MUC22: variants seen among roughly 807,000 people sequenced by gnomAD.
The protein encoded by MUC22 is mucin 22, also known as mucin-22.
MUC22 carries 24 observed loss-of-function variants against 40.3 expected under a neutral mutation model. That is an observed-to-expected ratio of 0.60 (90% CI 0.43 to 0.84). The LOEUF (loss-of-function observed/expected upper bound fraction) is 0.84. Ranked by LOEUF, MUC22 falls within the 40% of genes least tolerant of loss-of-function variation. MUC22 has a pLI of 0.00. For missense variants in MUC22, 1,926 were observed against 2,130.7 expected (o/e 0.90, Z 1.89); for synonymous variants, 765 against 844.5 (o/e 0.91, Z 1.63).
exon 2 of MUC22, chr6:31,026,768 C>T (rs1266722756): frequency 6.6e-7 from 1 of 1,511,432 alleles, no homozygotes; most frequent in African/African-American, 1.4e-5. Context: ...GGCTCAGAGA[C>T]CACCACAGTC....
At chr6:31,034,731 C>T (rs1404356788) in exon 4 of MUC22, 3 of 1,535,604 alleles carry the variant, frequency 2.0e-6, no homozygotes, top group Non-Finnish European at 2.6e-6. Context: ...GCCACAGCCA[C>T]AGCCTTGGTC....
Position 31,034,661 on chromosome 6 carries a change from T to A in MUC22, c.5056-11T>A, listed in dbSNP as rs770210798. On this transcript the variant is annotated splice_polypyrimidine_tract_variant and intron_variant, in intron 3 of 3. Coordinates refer to ENST00000561890, the Ensembl canonical transcript of MUC22. ...TTTTCATTTATCAATGTATTTATTT[T>A]TTTCTTTTAGAGAAACCTTTTCTTC... 17 of 1,522,060 alleles carry A rather than the reference T, an allele frequency of 1.1e-5. No homozygotes were observed. In the East Asian group the frequency reaches 2.0e-4, roughly 18 times the overall value. The allele number at this position is 1,522,060 out of a possible 1,614,324, so 94.3% of individuals were successfully genotyped here.
chr6:31,023,415 C>T (rs1052264427), intron 1 of MUC22, among the ~76,000 whole-genome samples: 9 of 151,960 alleles, frequency 5.9e-5, no homozygotes, highest in East Asian at 1.9e-4. Context: ...CATCATGACT[C>T]GTGCCTGTGA....
Position 31,032,301 on chromosome 6 carries a change from T to C in MUC22, c.4775T>C (p.Val1592Ala). The change falls in exon 3 of 4, where the codon GTC becomes GCC. Residue 1592 changes from valine (V) to alanine (A), a missense_variant. Val to Ala is a moderately conservative substitution (Grantham distance 64, BLOSUM62 0). Coordinates refer to ENST00000561890, the Ensembl canonical transcript of MUC22. The surrounding 1 kb of genome is among the most constrained non-coding windows in gnomAD (Gnocchi z 4.1). The stretch of plus-strand genomic sequence containing the variant: ...GCCAGCCATACTGTGCCAGGAATAG[T>C]CTTAAACACCTCTGGCCTGGGTACA... 1 of 1,535,564 alleles carries C rather than the reference T, an allele frequency of 6.5e-7. No individual in the cohort carries two copies. Among genetic ancestry groups the C allele is most frequent in the Non-Finnish European group, 8.7e-7 (1 of 1,146,862 alleles).
chr6:31,008,176 T>C (rs961990861), upstream of MUC22, among the ~76,000 whole-genome samples: 3 of 152,234 alleles, frequency 2.0e-5, no homozygotes, highest in Admixed American at 6.5e-5. Context: ...GCTGGACTGA[T>C]AGTTTAATTC....
exon 4 of MUC22, chr6:31,035,286 T>C (rs1382610125): frequency 3.4e-6 from 1 of 291,274 alleles, no homozygotes; most frequent in Non-Finnish European, 6.3e-6. Context: ...TTCTCTCCCA[T>C]TTCCCGCCAC....
At chr6:31,030,063 C>T (rs1315518235) in exon 2 of MUC22, 12 of 1,534,520 alleles carry the variant, frequency 7.8e-6, no homozygotes, top group African/African-American at 2.7e-5. Flanking sequence ...AGGCCACTGA[C>T]GTTTCTATCC....
upstream of MUC22, among the ~76,000 whole-genome samples, chr6:31,009,719 A>C (rs1168215438): frequency 1.3e-5 from 2 of 152,260 alleles, no homozygotes; most frequent in Non-Finnish European, 2.9e-5. Flanking sequence ...ATAGCAAGCC[A>C]AACTACATTT....
intron 1 of MUC22, among the ~76,000 whole-genome samples, chr6:31,020,767 C>T (rs962987310): frequency 3.3e-5 from 5 of 152,044 alleles, no homozygotes; most frequent in Non-Finnish European, 7.4e-5. Context: ...CGCTTGCGGG[C>T]CAGCTGCAGT....
chr6:31,032,708 C>A lies in MUC22; in HGVS notation c.5055+127C>A. On this transcript the variant is annotated intron_variant, in intron 3 of 3. Coordinates refer to ENST00000561890, the Ensembl canonical transcript of MUC22. The surrounding 1 kb of genome is among the most constrained non-coding windows in gnomAD (Gnocchi z 4.1). ...GTTGGTGCGCTCAGAAGGAAAGAAT[C>A]ACCTAGCCTGATATAAGGACCAGAG... 2.9e-6 allele frequency: 3 copies of A among 1,024,476 alleles called. No homozygotes were observed. Among genetic ancestry groups the A allele is most frequent in the Non-Finnish European group, 4.2e-6 (3 of 722,434 alleles). 63.5% of individuals were successfully genotyped at this position (1,024,476 alleles called of 1,614,324 possible).
In MUC22 at chr6:31,019,177, C is replaced by T. The variant is rs185276013; in HGVS notation, c.71-6325C>T. Among the ~76,000 whole-genome samples the T allele has an allele frequency of 3.1e-3, 455 of 148,142 alleles. 3 individuals are homozygous for T. The highest frequency in any genetic ancestry group is 5.0e-3 in the Non-Finnish European group (333 of 66,844). On this transcript the variant is annotated intron_variant, in intron 1 of 3. Transcript: ENST00000561890. ...TCCCTATTCATTCAGATAAATAGAA[C>T]TAATTTCCAACTCTGCGTAAGCCCC... is the stretch of plus-strand genomic sequence containing the variant.
At chr6:31,026,155 A>G in exon 2 of MUC22, 2 of 1,523,888 alleles carry the variant, frequency 1.3e-6, no homozygotes, top group Non-Finnish European at 1.8e-6. Context: ...CACAACCTCA[A>G]CTGCAGACTC....
At chr6:31,021,539 T>G (rs999973458) in intron 1 of MUC22, among the ~76,000 whole-genome samples, 1 of 146,176 alleles carries the variant, frequency 6.8e-6, no homozygotes, top group Non-Finnish European at 1.5e-5. Flanking sequence ...ACTCTGTATC[T>G]AGCTCAAGGT....
chr6:31,027,866 G>A (rs1469050200), exon 2 of MUC22: 1 of 1,534,310 alleles, frequency 6.5e-7, no homozygotes, highest in Admixed American at 2.0e-5. Context: ...TCCACTGAAG[G>A]CTCTGAGATG....
chr6:31,021,944 C>T (rs986534935), intron 1 of MUC22, among the ~76,000 whole-genome samples: 3 of 152,122 alleles, frequency 2.0e-5, no homozygotes, highest in African/African-American at 7.2e-5. Context: ...TGATCTGTAA[C>T]ACTCACCGTA....
intron 1 of MUC22, among the ~76,000 whole-genome samples, chr6:31,015,920 A>G (rs951888397): frequency 6.6e-6 from 1 of 152,034 alleles, no homozygotes; most frequent in African/African-American, 2.4e-5. Context: ...TTTCTGAAAA[A>G]ATCTTATAAT....
At chr6:31,021,588 A>G (rs9262523) in intron 1 of MUC22, among the ~76,000 whole-genome samples, 39,772 of 122,892 alleles carry the variant, frequency 0.32, 6,734 homozygotes, top group East Asian at 0.41. Flanking sequence ...TTTAGCTCAA[A>G]GTTTGTGAGT....
intron 1 of MUC22, among the ~76,000 whole-genome samples, chr6:31,016,068 AG>A (rs934722031): frequency 2.2e-5 from 3 of 138,662 alleles, no homozygotes; most frequent in African/African-American, 8.1e-5. Context: ...GTGAATTTTG[AG>A]GTTTTTTTTT....
At position 31,026,072 on chromosome 6, in the gene MUC22, A is replaced by G. The variant is rs367954552; in HGVS notation, c.641A>G (p.Glu214Gly). 7 of 1,530,786 alleles carry G rather than the reference A, an allele frequency of 4.6e-6. No individual in the cohort carries two copies. The East Asian group carries it at 9.8e-5, about 21-fold the overall frequency. 94.8% of individuals were successfully genotyped at this position (1,530,786 alleles called of 1,614,324 possible). A position where few individuals can be genotyped will look rare whatever the true frequency, so the allele number is the denominator to read the frequency against. Residue 214 changes from glutamate (E) to glycine (G), a missense_variant, in exon 2 of 4, where the codon GAA becomes GGA. By Grantham distance (98) the Glu-to-Gly change is moderately conservative. Transcript: ENST00000561890. ...ACTAAAGTCTCTACCACAGGCTCTGAAACCACCACAGCATCTACTGCAGGT... is the reference window on the plus strand; with the variant it reads ...ACTAAAGTCTCTACCACAGGCTCTGGAACCACCACAGCATCTACTGCAGGT...
Sources: allele counts gnomAD v4.1 joint callset (sites outside exome capture counted in the v4.1 genomes callset), GRCh38; gene constraint gnomAD v4.1.1; non-coding constraint Gnocchi (gnomAD v3.1); transcripts MANE v1.5; gene names NCBI Gene and HGNC (gene_info 2026-07-23, HGNC 2026-07-21).